Variants in THSD7A observed in about 807,000 individuals in gnomAD.
The protein encoded by THSD7A is thrombospondin type-1 domain-containing protein 7A.
THSD7A carries 96 observed loss-of-function variants against 231.3 expected under a neutral mutation model. That is an observed-to-expected ratio of 0.41 (90% CI 0.35 to 0.49). THSD7A has a LOEUF of 0.49. THSD7A is among the 20% of genes least tolerant of loss of function. THSD7A has a pLI of 0.05. For synonymous variants in THSD7A, 940 were observed against 743.3 expected (o/e 1.26, Z -4.30); for missense variants, 2,290 against 2,070.2 (o/e 1.11, Z -2.06).
intron 1 of THSD7A, among the ~76,000 whole-genome samples, chr7:11,674,012 C>T (rs189481264): frequency 6.6e-6 from 1 of 151,992 alleles, no homozygotes; most frequent in African/African-American, 2.4e-5. Context: ...ATCACCAGAC[C>T]ACCTGCAGAC....
chr7:11,559,901 T>C (rs922230104), intron 4 of THSD7A, among the ~76,000 whole-genome samples: 18 of 152,314 alleles, frequency 1.2e-4, no homozygotes, highest in African/African-American at 4.1e-4. Flanking sequence ...TCTAGTATGA[T>C]TGAAAAGATG....
At chr7:11,598,890 T>C (rs562608779) in intron 2 of THSD7A, among the ~76,000 whole-genome samples, 1 of 152,268 alleles carries the variant, frequency 6.6e-6, no homozygotes, top group South Asian at 2.1e-4. Flanking sequence ...AATGATTCCA[T>C]TAAACTGGAA....
chr7:11,806,611 T>A (rs1027811158), intron 1 of THSD7A, among the ~76,000 whole-genome samples: 7 of 152,180 alleles, frequency 4.6e-5, no homozygotes, highest in Non-Finnish European at 8.8e-5. Context: ...GAAACTTGAA[T>A]GAAAAATATC....
At chr7:11,572,715 A>T (rs1790697042) in intron 4 of THSD7A, among the ~76,000 whole-genome samples, 1 of 151,696 alleles carries the variant, frequency 6.6e-6, no homozygotes, top group South Asian at 2.1e-4. Context: ...TATTTTGCTC[A>T]GGCTGGTCTC....
chr7:11,375,730 G>T lies in THSD7A; in HGVS notation c.*64C>A. 1 of 1,302,490 alleles carries T rather than the reference G, an allele frequency of 7.7e-7. No homozygotes were observed. Among genetic ancestry groups the T allele is most frequent in the Non-Finnish European group, 1.1e-6 (1 of 907,546 alleles). The allele number at this position is 1,302,490 out of a possible 1,614,324, so 80.7% of individuals were successfully genotyped here. On this transcript the variant is annotated 3_prime_UTR_variant, in exon 28 of 28. Coordinates refer to ENST00000423059, the MANE Select transcript of THSD7A (RefSeq NM_015204.3). The stretch of plus-strand genomic sequence containing the variant: ...TCCACACAGTTTGGATACATTTGTT[G>T]TGGCCTCTGGACATCTATGAAGTCA...
At chr7:11,489,435 T>G (rs867973834) in intron 6 of THSD7A, among the ~76,000 whole-genome samples, 1 of 152,098 alleles carries the variant, frequency 6.6e-6, no homozygotes, top group Non-Finnish European at 1.5e-5. Flanking sequence ...CCCTTTGTAA[T>G]GTATGTAAAT....
intron 4 of THSD7A, among the ~76,000 whole-genome samples, chr7:11,575,904 C>A (rs1790879877): frequency 1.3e-5 from 2 of 152,242 alleles, no homozygotes; most frequent in South Asian, 2.1e-4. Context: ...TAATTCAACA[C>A]AGTTACAGTG....
intron 4 of THSD7A, among the ~76,000 whole-genome samples, chr7:11,550,172 C>A (rs1789568358): frequency 6.6e-6 from 1 of 151,980 alleles, no homozygotes; most frequent in Non-Finnish European, 1.5e-5. Flanking sequence ...TGAAATTCAG[C>A]AGAATATCCA....
At chr7:11,688,659 G>A (rs1481228175) in intron 1 of THSD7A, among the ~76,000 whole-genome samples, 9 of 151,812 alleles carry the variant, frequency 5.9e-5, no homozygotes, top group South Asian at 4.1e-4. Flanking sequence ...GGTAACATGA[G>A]CAAATGTTCT....
At chr7:11,608,457 G>A (rs577091583) in intron 2 of THSD7A, among the ~76,000 whole-genome samples, 7 of 152,232 alleles carry the variant, frequency 4.6e-5, no homozygotes, top group Admixed American at 2.6e-4. Context: ...AAAGGATAGA[G>A]GTTAAAGGCA....
intron 6 of THSD7A, among the ~76,000 whole-genome samples, chr7:11,524,774 G>A (rs556377888): frequency 6.6e-6 from 1 of 152,166 alleles, no homozygotes; most frequent in African/African-American, 2.4e-5. Flanking sequence ...TCTGAGGAAG[G>A]GTAAAAGTGG....
Position 11,590,522 on chromosome 7 carries a change from A to G in THSD7A, c.1391T>C (p.Val464Ala), listed in dbSNP as rs756183742. ...GTTTTCGTTGGCCTGCACGCAGTAC[A>G]CCTCTCGGGTCTGGATGCCCCCTCC... Reference protein sequence around the residue: ...LCGGGIQTREVYCVQANENLL... With the variant: ...LCGGGIQTREAYCVQANENLL... The change falls in exon 4 of 28, where the codon GTG (valine) becomes GCG (alanine). Residue 464 changes from valine to alanine, a missense_variant. Transcript: ENST00000423059. The surrounding 1 kb of genome is among the most constrained non-coding windows in gnomAD (Gnocchi z 4.4). The G allele has an allele frequency of 2.5e-6, 4 of 1,613,512 alleles. No individual in the cohort carries two copies. The South Asian group carries it at 4.4e-5, about 18-fold the overall frequency.
At chr7:11,505,150 GA>G (rs957811703) in intron 6 of THSD7A, among the ~76,000 whole-genome samples, 2 of 152,012 alleles carry the variant, frequency 1.3e-5, no homozygotes, top group Non-Finnish European at 2.9e-5. Context: ...TTTAGAGGAT[GA>G]AAAAACTAAA....
In THSD7A at chr7:11,460,342, C is replaced by G. The variant is rs145871868; in HGVS notation, c.2605+320G>C. Among the ~76,000 whole-genome samples the G allele has an allele frequency of 1.1e-4, 16 of 151,382 alleles. No individual in the cohort carries two copies. In the East Asian group the frequency reaches 2.3e-3, roughly 22 times the overall value. On this transcript the variant is annotated intron_variant, in intron 11 of 27. Coordinates refer to ENST00000423059, the MANE Select transcript of THSD7A (RefSeq NM_015204.3). ...GTGGCAAGCAAAATGCTGTGGATAC[C>G]GTAATCTAAAAACAAACAAACAAAC... is the stretch of plus-strand genomic sequence containing the variant.
intron 1 of THSD7A, among the ~76,000 whole-genome samples, chr7:11,801,071 G>GT (rs1331555289): frequency 2.6e-5 from 4 of 152,084 alleles, no homozygotes; most frequent in African/African-American, 9.7e-5. Context: ...GGAGGCTGAG[G>GT]TGGGAGGATC....
Position 11,469,000 on chromosome 7 carries a change from T to C in THSD7A, c.2368+879A>G, listed in dbSNP as rs544990285. 7.8e-4 allele frequency among the ~76,000 whole-genome samples: 119 copies of C among 152,238 alleles called. 1 individual carries two copies. Among genetic ancestry groups the C allele is most frequent in the African/African-American group, 2.8e-3 (115 of 41,536 alleles). ...CACAGTAAAAGTATCCATTATTAAA[T>C]GTATAATACCTAAAGGATTTGATTA... is the stretch of plus-strand genomic sequence containing the variant. On this transcript the variant is annotated intron_variant, in intron 9 of 27. Transcript: ENST00000423059.
intron 1 of THSD7A, among the ~76,000 whole-genome samples, chr7:11,806,989 T>A (rs1583306427): frequency 6.6e-6 from 1 of 152,104 alleles, no homozygotes; most frequent in Admixed American, 6.6e-5. Context: ...AATCTCTCTC[T>A]CTCTAAATAT....
chr7:11,455,133 G>A (rs932441009), intron 11 of THSD7A, among the ~76,000 whole-genome samples: 5 of 151,774 alleles, frequency 3.3e-5, no homozygotes, highest in Non-Finnish European at 5.9e-5. Flanking sequence ...TTCTCTCTCT[G>A]CCTTGTTTTT....
intron 2 of THSD7A, among the ~76,000 whole-genome samples, chr7:11,600,703 G>A (rs911239029): frequency 1.2e-4 from 19 of 152,310 alleles, no homozygotes; most frequent in African/African-American, 4.6e-4. Context: ...AAAATGCACT[G>A]ATTCTTCTGC....
Sources: allele counts gnomAD v4.1 joint callset (sites outside exome capture counted in the v4.1 genomes callset), GRCh38; gene constraint gnomAD v4.1.1; non-coding constraint Gnocchi (gnomAD v3.1); transcripts MANE v1.5; gene names NCBI Gene and HGNC (gene_info 2026-07-23, HGNC 2026-07-21).